LDB3: variants seen among roughly 807,000 people sequenced by gnomAD.
LDB3 encodes LIM domain binding 3.
A neutral mutation model predicts 69.0 loss-of-function variants in LDB3; 49 were observed. That is an observed-to-expected ratio of 0.71 (90% CI 0.56 to 0.90). LDB3 has a LOEUF of 0.90. LDB3 is among the 40% of genes least tolerant of loss of function. LDB3 has a pLI of 0.00. For missense variants in LDB3, 928 were observed against 974.1 expected (o/e 0.95, Z 0.63); for synonymous variants, 387 against 396.2 (o/e 0.98, Z 0.28).
intron 13 of LDB3, among the ~76,000 whole-genome samples, chr10:86,729,610 CT>C (rs1847387267): frequency 6.6e-6 from 1 of 152,212 alleles, no homozygotes. Context: ...GCCACAGAGC[CT>C]GGGGGTTGGA....
chr10:86,721,512 G>T (rs148058577), intron 12 of LDB3, among the ~76,000 whole-genome samples: 1 of 152,198 alleles, frequency 6.6e-6, no homozygotes, highest in South Asian at 2.1e-4. Context: ...TGGCATCATG[G>T]TCACCTAGGG....
rs148638169 is a variant in LDB3 at position 86,680,132 on chromosome 10, C to G, written c.296C>G (p.Pro99Arg). The change falls in exon 4 of 14, where the codon CCT (proline) becomes CGT (arginine). Residue 99 changes from proline (P) to arginine (R), a missense_variant. Coordinates refer to ENST00000361373, the MANE Select transcript of LDB3 (RefSeq NM_007078.3). Reference sequence around the variant, plus strand: ...ACGACAGCACCTCCAGTCCAGACCCCTCTGCCGGTGATCCCTCACCAGAAG... The same window carrying G: ...ACGACAGCACCTCCAGTCCAGACCCGTCTGCCGGTGATCCCTCACCAGAAG... ...ISTTAPPVQTPLPVIPHQKDP... is the reference protein window; with the variant it reads ...ISTTAPPVQTRLPVIPHQKDP... 4 of 1,614,234 alleles carry G rather than the reference C, an allele frequency of 2.5e-6. No individual in the cohort carries two copies. Among genetic ancestry groups the G allele is most frequent in the Middle Eastern group, 1.6e-4 (1 of 6,062 alleles).
At position 86,717,956 on chromosome 10, in the gene LDB3, T is replaced by G. The variant is rs1353061312; in HGVS notation, c.1677-8T>G. 1 of 1,613,880 alleles carries G rather than the reference T, an allele frequency of 6.2e-7. No homozygotes were observed. Among genetic ancestry groups the G allele is most frequent in the Non-Finnish European group, 8.5e-7 (1 of 1,179,832 alleles). ...TGCCTTACTGGGTGCCATTCTGTGC[T>G]TCCCCAGGGGCCCATTTCTGGTAGC... On this transcript the variant is annotated splice_region_variant and splice_polypyrimidine_tract_variant and intron_variant, in intron 10 of 13. Transcript: ENST00000361373.
chr10:86,713,872 A>G (rs1846763326), intron 9 of LDB3, among the ~76,000 whole-genome samples: 1 of 152,200 alleles, frequency 6.6e-6, no homozygotes, highest in African/African-American at 2.4e-5. Context: ...ACCACTGAAT[A>G]GACCTCAGTC....
intron 5 of LDB3, 60 bp downstream of exon 5, chr10:86,681,863 C>T (rs528600962): frequency 4.7e-6 from 7 of 1,495,132 alleles, no homozygotes; most frequent in Middle Eastern, 1.8e-4. Context: ...CCTCGGTGCT[C>T]GGCAGAGACC....
intron 5 of LDB3, chr10:86,685,721 T>TGA: frequency 1.2e-6 from 2 of 1,613,674 alleles, no homozygotes; most frequent in Non-Finnish European, 1.7e-6. Flanking sequence ...AAGGACAGCA[T>TGA]GTGTGTGCGC....
chr10:86,711,250 T>A (rs1171753693), intron 9 of LDB3, among the ~76,000 whole-genome samples: 1 of 152,054 alleles, frequency 6.6e-6, no homozygotes, highest in Non-Finnish European at 1.5e-5. Flanking sequence ...CCGGCTGTCT[T>A]CGCCCAGCCC....
rs576875185 is a variant in LDB3, at chr10:86,684,434, G to A, written c.689+2631G>A. On this transcript the variant is annotated intron_variant, in intron 5 of 13. Coordinates refer to ENST00000361373, the MANE Select transcript of LDB3 (RefSeq NM_007078.3). ...CGCCAGGCCAACACTGCCCTCTGCA[G>A]GGGGCCCTGGGCTGGTCAGGGCAAG... 3.9e-5 allele frequency among the ~76,000 whole-genome samples: 6 copies of A among 152,380 alleles called. No homozygotes were observed. In the South Asian group the frequency reaches 8.3e-4, roughly 21 times the overall value.
At chr10:86,730,036 A>G (rs1012342936) in intron 13 of LDB3, among the ~76,000 whole-genome samples, 1 of 152,160 alleles carries the variant, frequency 6.6e-6, no homozygotes, top group African/African-American at 2.4e-5. Context: ...GAGCCTGGTT[A>G]TACTCAGCAT....
intron 9 of LDB3, among the ~76,000 whole-genome samples, chr10:86,711,801 G>A (rs1589669543): frequency 1.3e-5 from 2 of 149,620 alleles, no homozygotes; most frequent in South Asian, 4.2e-4. Context: ...CGCGCGGGCC[G>A]GGGACGGTCA....
chr10:86,680,043 G>T (rs45616142), intron 3 of LDB3, 39 bp from the exon 4 acceptor site: 2 of 1,585,148 alleles, frequency 1.3e-6, no homozygotes, highest in Non-Finnish European at 1.7e-6. Flanking sequence ...TGGCCCCAGG[G>T]GCAACTTCCT....
At chr10:86,687,292 AC>A in intron 5 of LDB3, 1 of 1,609,714 alleles carries the variant, frequency 6.2e-7, no homozygotes, top group Non-Finnish European at 8.5e-7. Context: ...TCCCTCCTCC[AC>A]CGCCACTCAG....
rs1847598863 is a variant in LDB3 at position 86,735,351 on chromosome 10, G to T, written c.*2375G>T. The T allele has an allele frequency of 6.6e-6, 1 of 152,010 alleles. No individual in the cohort carries two copies. Among genetic ancestry groups the T allele is most frequent in the Admixed American group, 6.6e-5 (1 of 15,264 alleles). 9.4% of individuals were successfully genotyped at this position (152,010 alleles called of 1,614,324 possible). The stretch of plus-strand genomic sequence containing the variant: ...ACTCAGTGTCTGTGAGTCTGGTGTA[G>T]TGTCAGGAGTAAGGCCGTGTCTAGC... On this transcript the variant is annotated 3_prime_UTR_variant, in exon 14 of 14. Transcript: ENST00000361373.
intron 5 of LDB3, among the ~76,000 whole-genome samples, chr10:86,683,869 C>A (rs1024262569): frequency 2.0e-5 from 3 of 152,218 alleles, no homozygotes; most frequent in Admixed American, 2.0e-4. Flanking sequence ...AGACTCATGA[C>A]CCGTTCAGTC....
intron 9 of LDB3, among the ~76,000 whole-genome samples, chr10:86,713,069 T>A (rs868848667): frequency 2.0e-5 from 3 of 150,184 alleles, no homozygotes; most frequent in African/African-American, 7.3e-5. Context: ...CTCAAAAATA[T>A]ATATATATAT....
chr10:86,728,843 G>T lies in LDB3; in HGVS notation c.2094+2591G>T, dbSNP rs574456207. Among the ~76,000 whole-genome samples, 11 of 152,076 alleles carry T rather than the reference G, an allele frequency of 7.2e-5. 1 individual carries two copies. The South Asian group carries it at 2.3e-3, about 32-fold the overall frequency. ...GAGCCACCCACCTCGGCCTCCCAAAGTGCTGGGATTACAGGTGTGAGCCAC... is the reference window on the plus strand; with the variant it reads ...GAGCCACCCACCTCGGCCTCCCAAATTGCTGGGATTACAGGTGTGAGCCAC... On this transcript the variant is annotated intron_variant, in intron 13 of 13. Coordinates refer to ENST00000361373, the MANE Select transcript of LDB3 (RefSeq NM_007078.3).
At chr10:86,714,809 A>T (rs12221151) in intron 9 of LDB3, among the ~76,000 whole-genome samples, 1 of 152,104 alleles carries the variant, frequency 6.6e-6, no homozygotes, top group Non-Finnish European at 1.5e-5. Flanking sequence ...TGCCCACCTC[A>T]GCCTCCCAAA....
Position 86,734,443 on chromosome 10 carries a change from C to T in LDB3, c.*1467C>T, listed in dbSNP as rs1847564198. 1 of 152,164 alleles carries T rather than the reference C, an allele frequency of 6.6e-6. No individual in the cohort carries two copies. Among genetic ancestry groups the T allele is most frequent in the African/African-American group, 2.4e-5 (1 of 41,420 alleles). 9.4% of individuals were successfully genotyped at this position (152,164 alleles called of 1,614,324 possible). The stretch of plus-strand genomic sequence containing the variant: ...ATTGAAAACATGGCATTGAAGCAGG[C>T]ACTTGCGTGGATGTTTCTCACTTGA... On this transcript the variant is annotated 3_prime_UTR_variant, in exon 14 of 14. Transcript: ENST00000361373.
chr10:86,673,735 C>T (rs898788948), intron 2 of LDB3, among the ~76,000 whole-genome samples: 2 of 152,110 alleles, frequency 1.3e-5, no homozygotes, highest in Admixed American at 1.3e-4. Flanking sequence ...GGGGGAGCTG[C>T]TGAAACTTGT....
Sources: allele counts gnomAD v4.1 joint callset (sites outside exome capture counted in the v4.1 genomes callset), GRCh38; gene constraint gnomAD v4.1.1; transcripts MANE v1.5; gene names NCBI Gene and HGNC (gene_info 2026-07-23, HGNC 2026-07-21).